BICRA: variants seen among roughly 807,000 people sequenced by gnomAD.
BICRA encodes the protein BRD4-interacting chromatin-remodeling complex-associated protein.
In BICRA, 31 loss-of-function variants were observed where a neutral mutation model predicts 96.9. That is an observed-to-expected ratio of 0.32 (90% confidence interval 0.24 to 0.43). The LOEUF (loss-of-function observed/expected upper bound fraction) is 0.43, where lower values mean the gene tolerates loss of function less well. Ranked by LOEUF, BICRA falls within the 20% of genes least tolerant of loss-of-function variation. The probability of loss-of-function intolerance (pLI) is 1.00; values close to 1 mark genes in which losing one functional copy is unlikely to be tolerated. For missense variants in BICRA, 2,283 were observed against 2,190.3 expected (o/e 1.04, Z -0.84); for synonymous variants, 1,350 against 1,071.8 (o/e 1.26, Z -5.07).
At chr19:47,697,167 C>T (rs1013476291) in intron 11 of BICRA, among the ~76,000 whole-genome samples, 9 of 151,994 alleles carry the variant, frequency 5.9e-5, no homozygotes, top group South Asian at 2.1e-4. Flanking sequence ...CCACCATGCT[C>T]GGCTAATTTT....
At chr19:47,633,455 A>G (rs1972252029) in intron 1 of BICRA, among the ~76,000 whole-genome samples, 1 of 151,900 alleles carries the variant, frequency 6.6e-6, no homozygotes, top group Non-Finnish European at 1.5e-5. Context: ...TCCTCCCCTC[A>G]GCCTCCCAAA....
At position 47,656,015 on chromosome 19, in the gene BICRA, G is replaced by T. The variant is rs944583577; in HGVS notation, c.-107-14428G>T. 2.7e-5 allele frequency among the ~76,000 whole-genome samples: 4 copies of T among 150,604 alleles called. No individual in the cohort carries two copies. The East Asian group carries it at 7.8e-4, about 29-fold the overall frequency. ...TTTGGGAGGCCAAGGTGGGAGAATC[G>T]CTTGAACCCAGGAGGTCGAGACCAG... On this transcript the variant is annotated intron_variant, in intron 1 of 14. Coordinates refer to ENST00000594866, the MANE Select transcript of BICRA (RefSeq NM_001394372.1).
At chr19:47,608,197 CGCG>C, upstream of BICRA, 1 of 152,238 alleles carries the variant, frequency 6.6e-6, no homozygotes, top group Non-Finnish European at 1.5e-5. Context: ...ATCCCATCAG[CGCG>C]GCCAGAGCGG....
At chr19:47,639,988 G>T (rs1972360899) in intron 1 of BICRA, among the ~76,000 whole-genome samples, 1 of 151,980 alleles carries the variant, frequency 6.6e-6, no homozygotes, top group Non-Finnish European at 1.5e-5. Context: ...TATTTACCAG[G>T]CTCAGCCTCT....
At chr19:47,696,063 G>T (rs1056591682) in intron 10 of BICRA, among the ~76,000 whole-genome samples, 1 of 152,054 alleles carries the variant, frequency 6.6e-6, no homozygotes, top group African/African-American at 2.4e-5. Flanking sequence ...AGGGAGGCGG[G>T]GGGGCGAAAC....
At chr19:47,692,388 G>A (rs987532229) in intron 7 of BICRA, among the ~76,000 whole-genome samples, 7 of 152,000 alleles carry the variant, frequency 4.6e-5, no homozygotes, top group Admixed American at 1.3e-4. Flanking sequence ...CACCATGCCC[G>A]GCTAATTATT....
chr19:47,684,260 G>A (rs1265321493), intron 7 of BICRA, among the ~76,000 whole-genome samples: 1 of 152,152 alleles, frequency 6.6e-6, no homozygotes, highest in African/African-American at 2.4e-5. Flanking sequence ...TCGGCTCGCT[G>A]CAATCTCCAC....
Position 47,698,603 on chromosome 19 carries a change from C to CG in BICRA, c.3249-30dup. On this transcript the variant is annotated intron_variant, in intron 11 of 14. Coordinates refer to ENST00000594866, the MANE Select transcript of BICRA (RefSeq NM_001394372.1). The surrounding 1 kb of genome is among the most constrained non-coding windows in gnomAD (Gnocchi z 4.8). ...CTCACCCGTCCCCCCCACCCTCCGC[C>CG]GTGTGTGGTCTCTCCCCTTTCCACC... 2.7e-6 allele frequency: 3 copies of CG among 1,103,456 alleles called. No individual in the cohort carries two copies. The highest frequency in any genetic ancestry group is 4.2e-6 in the Non-Finnish European group (3 of 721,344). The allele number at this position is 1,103,456 out of a possible 1,614,324, so 68.4% of individuals were successfully genotyped here. A position where few individuals can be genotyped will look rare whatever the true frequency, so the allele number is the denominator to read the frequency against.
intron 1 of BICRA, chr19:47,663,278 C>T (rs2123563437): frequency 6.6e-6 from 1 of 152,364 alleles, no homozygotes; most frequent in Admixed American, 6.5e-5. Context: ...ATCCCAGCTA[C>T]TCAGGAGGCT....
intron 1 of BICRA, among the ~76,000 whole-genome samples, chr19:47,611,347 C>G (rs1208410053): frequency 6.6e-6 from 1 of 152,054 alleles, no homozygotes; most frequent in East Asian, 1.9e-4. Flanking sequence ...AGGATCATTT[C>G]ACTTGTGGCT....
At position 47,694,472 on chromosome 19, in the gene BICRA, C is replaced by CCCCCAA; in HGVS notation, c.2642_2643insCCCAAC (p.Pro881_Ser882insProThr). ...GCTGCCCCCAGCCCCCCACCTCCCT[C>CCCCCAA]CATCCTCCACCTCCTCTGCTGTGGC... On this transcript the variant is annotated inframe_insertion, in exon 8 of 15. Coordinates refer to ENST00000594866, the MANE Select transcript of BICRA (RefSeq NM_001394372.1). The CCCCCAA allele has an allele frequency of 2.3e-6, 3 of 1,332,090 alleles. No individual in the cohort carries two copies. Among genetic ancestry groups the CCCCCAA allele is most frequent in the Non-Finnish European group, 3.2e-6 (3 of 931,092 alleles). The allele number at this position is 1,332,090 out of a possible 1,614,324, so 82.5% of individuals were successfully genotyped here.
intron 7 of BICRA, among the ~76,000 whole-genome samples, chr19:47,682,989 G>C (rs1044237464): frequency 6.6e-6 from 1 of 152,098 alleles, no homozygotes; most frequent in African/African-American, 2.4e-5. Context: ...TCATTCTCTT[G>C]TGTGACTGCG....
Position 47,698,586 on chromosome 19 carries a change from T to A in BICRA, c.3249-48T>A. ...AGGGACTTCCCCTGGCCCTCACCCGTCCCCCCCACCCTCCGCCGTGTGTGG... is the reference window on the plus strand; with the variant it reads ...AGGGACTTCCCCTGGCCCTCACCCGACCCCCCCACCCTCCGCCGTGTGTGG... On this transcript the variant is annotated intron_variant, in intron 11 of 14. Transcript: ENST00000594866. The surrounding 1 kb of genome is among the most constrained non-coding windows in gnomAD (Gnocchi z 4.8). The A allele has an allele frequency of 1.4e-6, 1 of 716,712 alleles. No homozygotes were observed. Among genetic ancestry groups the A allele is most frequent in the Non-Finnish European group, 2.5e-6 (1 of 392,848 alleles). The allele number at this position is 716,712 out of a possible 1,614,324, so 44.4% of individuals were successfully genotyped here.
chr19:47,663,473 G>A (rs2911002), intron 1 of BICRA: 61,160 of 151,880 alleles, frequency 0.4, 12,540 homozygotes, highest in African/African-American at 0.45. Context: ...TTGTTGTCCC[G>A]TGGTTGCAAA....
chr19:47,642,759 G>A (rs1972402437), intron 1 of BICRA, among the ~76,000 whole-genome samples: 2 of 152,138 alleles, frequency 1.3e-5, no homozygotes, highest in African/African-American at 4.8e-5. Context: ...ATTTTTCAAA[G>A]CAGTTGTTTA....
chr19:47,702,250 C>T lies in BICRA; in HGVS notation c.4518C>T (p.Asp1506=). 2 of 1,598,964 alleles carry T rather than the reference C, an allele frequency of 1.3e-6. No homozygotes were observed. Among genetic ancestry groups the T allele is most frequent in the Non-Finnish European group, 1.7e-6 (2 of 1,177,824 alleles). The change falls in exon 15 of 15, where the codon GAC becomes GAT. Residue 1506 remains aspartate (D), a synonymous_variant. Coordinates refer to ENST00000594866, the MANE Select transcript of BICRA (RefSeq NM_001394372.1). The part of the protein sequence containing the change: ...TLTEHLQSAI[D]SILNLQQAPG... ...CCGAGCACCTGCAGAGCGCCATCGA[C>T]AGCATCCTGAACCTGCAGCAGGCCC...
rs1442731509 is a variant in BICRA, at chr19:47,680,190, C to T, written c.1020C>T (p.Pro340=). Reference sequence around the variant, plus strand: ...GCTCGTCGCCACTGGTCCCGGCGCCCAACGTGATCCTGCATCGCACACCCA... The same window carrying T: ...GCTCGTCGCCACTGGTCCCGGCGCCTAACGTGATCCTGCATCGCACACCCA... ...GLGSSPLVPA[P]NVILHRTPTP... is the part of the protein sequence containing the mutation. Residue 340 remains proline, a synonymous_variant, in exon 6 of 15, where the codon CCC becomes CCT. Transcript: ENST00000594866. 1.9e-6 allele frequency: 3 copies of T among 1,546,322 alleles called. No homozygotes were observed. The highest frequency in any genetic ancestry group is 2.5e-5 in the East Asian group (1 of 40,670).
intron 1 of BICRA, among the ~76,000 whole-genome samples, chr19:47,648,222 G>A (rs979549791): frequency 9.0e-5 from 12 of 132,806 alleles, no homozygotes; most frequent in African/African-American, 3.5e-4. Context: ...CGCAGTGGCT[G>A]CCTGAGCTGT....
chr19:47,686,960 G>A (rs1973168354), intron 7 of BICRA, among the ~76,000 whole-genome samples: 1 of 152,126 alleles, frequency 6.6e-6, no homozygotes, highest in African/African-American at 2.4e-5. Context: ...AGCTGTGAGG[G>A]TTAAATAAAC....
Sources: gnomAD v4.1 joint callset for allele counts (sites outside exome capture counted in the v4.1 genomes callset) on GRCh38, gnomAD v4.1.1 for gene constraint, Gnocchi (gnomAD v3.1) non-coding constraint, MANE v1.5 for transcripts, NCBI Gene and HGNC (gene_info 2026-07-23, HGNC 2026-07-21) for gene names.